MBTPS1: variants seen among roughly 807,000 people sequenced by gnomAD.
MBTPS1 encodes the protein membrane-bound transcription factor site-1 protease.
In MBTPS1, 94 loss-of-function variants were observed where a neutral mutation model predicts 127.8. That is an observed-to-expected ratio of 0.74 (90% CI 0.62 to 0.87). The LOEUF (loss-of-function observed/expected upper bound fraction) is 0.87, where lower values mean the gene tolerates loss of function less well. Ranked by LOEUF, MBTPS1 falls within the 40% of genes least tolerant of loss-of-function variation. The probability of loss-of-function intolerance (pLI) is 0.00; values close to 1 mark genes in which losing one functional copy is unlikely to be tolerated. For synonymous variants in MBTPS1, 632 were observed against 509.4 expected, an observed-to-expected ratio of 1.24 and a Z score of -3.24; for missense variants, 1,636 against 1,353.2, an observed-to-expected ratio of 1.21 and a Z score of -3.28.
At chr16:84,063,621 A>G (rs935541670) in intron 18 of MBTPS1, among the ~76,000 whole-genome samples, 176 bp from the exon 19 acceptor site, 1 of 152,242 alleles carries the variant, frequency 6.6e-6, no homozygotes, top group East Asian at 1.9e-4. Flanking sequence ...TAGAATAGAA[A>G]TGTCTTAAGT....
rs902956567 is a variant in MBTPS1 at position 84,059,315 on chromosome 16, C to A, written c.2818G>T (p.Glu940Ter). ...GCGGACACTAACCTGGGCGCCGTCT[C>A]GTTTAAAGGCTGTGGCTTGGCCCAA... is the stretch of plus-strand genomic sequence containing the variant. ...LSWAKPQPLN[E>*]TAPSNLWKHQ... The change falls in exon 21 of 23, where the codon GAG (glutamate) becomes TAG (stop). Residue 940 changes from glutamate to a stop codon, truncating the protein, a stop_gained. Transcript: ENST00000343411. LOFTEE classifies it high-confidence loss of function. The A allele has an allele frequency of 6.2e-7, 1 of 1,613,714 alleles. No homozygotes were observed. Among genetic ancestry groups the A allele is most frequent in the Non-Finnish European group, 8.5e-7 (1 of 1,179,738 alleles).
In MBTPS1 at chr16:84,093,739, G is replaced by C. The variant is rs2086142306; in HGVS notation, c.708C>G (p.Asn236Lys). The change falls in exon 5 of 23, where the codon AAC becomes AAG. Residue 236 changes from asparagine to lysine, a missense_variant. Asn to Lys is a moderately conservative substitution (Grantham distance 94). Transcript: ENST00000343411. ...CGTCCAGCGTTCGCTCGTTGGTCCA[G>C]TTGGTTCTCTCCTTCACATTTTTGA... ...PHFKNVKERT[N>K]WTNERTLDDG... 6.2e-7 allele frequency: 1 copy of C among 1,614,006 alleles called. No individual in the cohort carries two copies. Among genetic ancestry groups the C allele is most frequent in the Non-Finnish European group, 8.5e-7 (1 of 1,179,966 alleles).
At chr16:84,104,895 G>C (rs917693745) in intron 1 of MBTPS1, among the ~76,000 whole-genome samples, 1 of 151,750 alleles carries the variant, frequency 6.6e-6, no homozygotes, top group East Asian at 1.9e-4. Flanking sequence ...GGCCAACATG[G>C]TGAAACCCCA....
chr16:84,102,107 T>A lies in MBTPS1; in HGVS notation c.-324A>T, dbSNP rs1486782943. ...TGATCAATCAACCACTGTGAGCCAA[T>A]CTATGAAACAAAAAACAGTGCACAC... On this transcript the variant is annotated splice_region_variant and 5_prime_UTR_variant, in exon 2 of 23. Transcript: ENST00000343411. The A allele has an allele frequency of 4.8e-6, 1 of 208,536 alleles. No homozygotes were observed. Among genetic ancestry groups the A allele is most frequent in the Non-Finnish European group, 9.7e-6 (1 of 103,590 alleles). 12.9% of individuals were successfully genotyped at this position (208,536 alleles called of 1,614,324 possible).
intron 18 of MBTPS1, among the ~76,000 whole-genome samples, chr16:84,064,654 T>C (rs1233677423): frequency 6.6e-6 from 1 of 152,214 alleles, no homozygotes; most frequent in African/African-American, 2.4e-5. Context: ...ATCCCTTGTT[T>C]ACAGCTAGAA....
intron 1 of MBTPS1, among the ~76,000 whole-genome samples, chr16:84,108,184 G>A (rs1414843989): frequency 1.3e-5 from 2 of 152,104 alleles, no homozygotes; most frequent in Non-Finnish European, 2.9e-5. Context: ...GCTCACCACT[G>A]AGAGGTAAGC....
At chr16:84,076,799 C>A (rs1302655025) in intron 11 of MBTPS1, among the ~76,000 whole-genome samples, 1 of 152,162 alleles carries the variant, frequency 6.6e-6, no homozygotes, top group East Asian at 1.9e-4. Context: ...GACAAAATAA[C>A]AGCATTATAA....
At chr16:84,112,598 C>G (rs553105721) in intron 1 of MBTPS1, among the ~76,000 whole-genome samples, 2 of 146,466 alleles carry the variant, frequency 1.4e-5, no homozygotes, top group South Asian at 4.3e-4. Context: ...GGAGGCGGAG[C>G]TTCCAGGGAG....
chr16:84,098,801 C>T (rs1010749816), intron 3 of MBTPS1, among the ~76,000 whole-genome samples: 1 of 152,124 alleles, frequency 6.6e-6, no homozygotes, highest in African/African-American at 2.4e-5. Flanking sequence ...CCATCTACTA[C>T]TGCAAACCCT....
intron 17 of MBTPS1, among the ~76,000 whole-genome samples, 195 bp downstream of exon 17, chr16:84,066,294 A>C (rs1002130935): frequency 9.2e-5 from 14 of 151,404 alleles, no homozygotes; most frequent in Admixed American, 9.2e-4. Flanking sequence ...GGCTACATAA[A>C]ATATTTTCAT....
intron 7 of MBTPS1, 70 bp from the exon 8 acceptor site, chr16:84,091,012 A>C (rs1002865559): frequency 1.3e-5 from 14 of 1,105,128 alleles, no homozygotes; most frequent in African/African-American, 4.8e-5. Context: ...AAAAAAAAAA[A>C]AAACCATACA....
At chr16:84,107,130 G>T (rs1244781211) in intron 1 of MBTPS1, among the ~76,000 whole-genome samples, 1 of 152,170 alleles carries the variant, frequency 6.6e-6, no homozygotes, top group Non-Finnish European at 1.5e-5. Flanking sequence ...AAAGACAGAG[G>T]GCACAGGAAA....
chr16:84,103,211 C>T (rs942115721), intron 1 of MBTPS1, among the ~76,000 whole-genome samples: 1 of 151,688 alleles, frequency 6.6e-6, no homozygotes, highest in Non-Finnish European at 1.5e-5. Flanking sequence ...GTAAATGAAG[C>T]AAGAGAGGCC....
intron 9 of MBTPS1, among the ~76,000 whole-genome samples, chr16:84,086,774 T>C (rs925391431): frequency 1.3e-5 from 2 of 152,196 alleles, no homozygotes; most frequent in African/African-American, 4.8e-5. Flanking sequence ...GCCCAACTGC[T>C]GTTCTGCACG....
At chr16:84,064,005 T>C (rs1256258965) in intron 18 of MBTPS1, among the ~76,000 whole-genome samples, 1 of 152,218 alleles carries the variant, frequency 6.6e-6, no homozygotes, top group Non-Finnish European at 1.5e-5. Flanking sequence ...AAGACACATG[T>C]TCCAATAGCA....
At chr16:84,103,383 C>T (rs1289312080) in intron 1 of MBTPS1, among the ~76,000 whole-genome samples, 2 of 151,766 alleles carry the variant, frequency 1.3e-5, no homozygotes, top group Non-Finnish European at 2.9e-5. Context: ...CTCAGCCTCC[C>T]GAGTAGCTGG....
At chr16:84,091,642 A>G in intron 7 of MBTPS1, 90 bp downstream of exon 7, 1 of 844,542 alleles carries the variant, frequency 1.2e-6, no homozygotes, top group Admixed American at 1.8e-5. Flanking sequence ...CCTGGATGAA[A>G]AGCCACCAAC....
chr16:84,056,908 C>G (rs994034117), intron 21 of MBTPS1: 1 of 152,142 alleles, frequency 6.6e-6, no homozygotes, highest in Non-Finnish European at 1.5e-5. Flanking sequence ...GGAGCTAGAG[C>G]GAAGAGCGCG....
chr16:84,054,598 C>A lies in MBTPS1; in HGVS notation c.3010G>T (p.Val1004Phe). ...ACCATGGCTCCCAGGAAGGCAAAGA[C>A]AGGAATGGTCTGGCCCACCTCCTGG... ...YNQEVGQTIPVFAFLGAMVVL... is the reference protein window; with the variant it reads ...YNQEVGQTIPFFAFLGAMVVL... The change falls in exon 23 of 23, where the codon GTC (valine) becomes TTC (phenylalanine). Residue 1004 changes from valine to phenylalanine, a missense_variant. Coordinates refer to ENST00000343411, the MANE Select transcript of MBTPS1 (RefSeq NM_003791.4). 1 of 1,613,226 alleles carries A rather than the reference C, an allele frequency of 6.2e-7. No homozygotes were observed. Among genetic ancestry groups the A allele is most frequent in the Non-Finnish European group, 8.5e-7 (1 of 1,179,528 alleles).
Sources: gnomAD v4.1 joint callset for allele counts (sites outside exome capture counted in the v4.1 genomes callset) on GRCh38, gnomAD v4.1.1 for gene constraint, MANE v1.5 for transcripts, NCBI Gene and HGNC (gene_info 2026-07-23, HGNC 2026-07-21) for gene names.